The following DNAH14 variants were observed in gnomAD, a reference collection of about 807,000 sequenced individuals.
The protein encoded by DNAH14 is axonemal beta dynein heavy chain 14.
In DNAH14, 478 loss-of-function variants were observed where a neutral mutation model predicts 520.9. The ratio of observed to expected loss-of-function variants is 0.92; its 90% CI spans 0.85 to 0.99. The LOEUF is 0.99. Among genes scored for constraint, DNAH14 ranks in the 50% least tolerant of loss-of-function variants. The pLI, the probability that DNAH14 is intolerant of heterozygous loss-of-function variation, is 0.00. For synonymous variants in DNAH14, 1,581 were observed against 1,757.2 expected (o/e 0.90, Z 2.51); for missense variants, 4,831 against 5,234.5 (o/e 0.92, Z 2.38).
At chr1:225,335,370 TGTG>T (rs1297770250) in intron 66 of DNAH14, among the ~76,000 whole-genome samples, 1 of 53,514 alleles carries the variant, frequency 1.9e-5, no homozygotes, top group East Asian at 9.7e-4. Flanking sequence ...CACGTGTACA[TGTG>T]TGTGTATATG....
In DNAH14 at chr1:224,929,692, A is replaced by C. The variant is rs765980744; in HGVS notation, c.-177A>C. 6.3e-5 allele frequency: 44 copies of C among 702,320 alleles called. 1 individual carries two copies. The highest frequency in any genetic ancestry group is 5.9e-4 in the South Asian group (40 of 67,602). 43.5% of individuals were successfully genotyped at this position (702,320 alleles called of 1,614,324 possible). On this transcript the variant is annotated 5_prime_UTR_variant, in exon 1 of 86. Coordinates refer to ENST00000682510, the MANE Select transcript of DNAH14 (RefSeq NM_001367479.1). ...GGCTCTTGGTCAGGCGGTTACGGCC[A>C]GGAGGCGTCGGAGCCTGGCGTGGTA... is the stretch of plus-strand genomic sequence containing the variant.
intron 43 of DNAH14, among the ~76,000 whole-genome samples, chr1:225,249,073 C>A (rs956887080): frequency 2.6e-5 from 4 of 152,158 alleles, no homozygotes; most frequent in Admixed American, 2.6e-4. Context: ...TTTATAATGG[C>A]ATAAGAAGCC....
At chr1:225,219,632 C>A (rs2089828838) in intron 41 of DNAH14, among the ~76,000 whole-genome samples, 1 of 152,014 alleles carries the variant, frequency 6.6e-6, no homozygotes. Flanking sequence ...CCTGAATAGA[C>A]CAATAAAAAG....
intron 81 of DNAH14, among the ~76,000 whole-genome samples, chr1:225,383,531 G>A (rs943033898): frequency 2.2e-4 from 34 of 152,342 alleles, no homozygotes; most frequent in East Asian, 7.7e-4. Context: ...ACAGTCACAT[G>A]TGGCTGAGAC....
At chr1:225,015,015 T>C (rs1040424130) in intron 10 of DNAH14, among the ~76,000 whole-genome samples, 1 of 152,340 alleles carries the variant, frequency 6.6e-6, no homozygotes. Context: ...TGTTATATTA[T>C]CTTGCTGAAC....
At chr1:225,013,015 G>C (rs2064920152) in intron 10 of DNAH14, among the ~76,000 whole-genome samples, 1 of 152,180 alleles carries the variant, frequency 6.6e-6, no homozygotes, top group Non-Finnish European at 1.5e-5. Context: ...CTGGTGAGGA[G>C]CTGTGATTCT....
At chr1:225,383,504 G>C (rs1044344399) in intron 81 of DNAH14, among the ~76,000 whole-genome samples, 2 of 152,202 alleles carry the variant, frequency 1.3e-5, no homozygotes, top group Non-Finnish European at 2.9e-5. Context: ...ACAATGATGA[G>C]TTGGTACACT....
rs1383796520 is a variant in DNAH14, at chr1:225,038,732, C to A, written c.1397C>A (p.Thr466Lys). ...KDNSFPTGKTTNDCEELVDNS... is the reference protein window; with the variant it reads ...KDNSFPTGKTKNDCEELVDNS... Reference sequence around the variant, plus strand: ...AACTCTTTTCCTACTGGAAAGACAACAAATGATTGTGAAGAACTTGTTGAT... The same window carrying A: ...AACTCTTTTCCTACTGGAAAGACAAAAAATGATTGTGAAGAACTTGTTGAT... The change falls in exon 12 of 86, where the codon ACA becomes AAA. Residue 466 changes from threonine to lysine, a missense_variant. By Grantham distance (78) the Thr-to-Lys change is moderately conservative (BLOSUM62 -1). Coordinates refer to ENST00000682510, the MANE Select transcript of DNAH14 (RefSeq NM_001367479.1). 1 of 1,533,828 alleles carries A rather than the reference C, an allele frequency of 6.5e-7. No individual in the cohort carries two copies. The highest frequency in any genetic ancestry group is 1.4e-5 in the African/African-American group (1 of 71,954).
At chr1:225,073,034 A>G (rs1419019759) in intron 17 of DNAH14, among the ~76,000 whole-genome samples, 1 of 151,936 alleles carries the variant, frequency 6.6e-6, no homozygotes, top group Non-Finnish European at 1.5e-5. Context: ...TAGAGTAGCC[A>G]TCCTGTGCTG....
intron 37 of DNAH14, 137 bp from the exon 38 acceptor site, chr1:225,192,559 C>A (rs894275785): frequency 1.8e-6 from 1 of 564,748 alleles, no homozygotes; most frequent in Non-Finnish European, 3.1e-6. Context: ...CTGTTCCTTG[C>A]AACTTGCTAC....
At chr1:225,176,940 C>A (rs774833238) in intron 36 of DNAH14, among the ~76,000 whole-genome samples, 1 of 152,048 alleles carries the variant, frequency 6.6e-6, no homozygotes, top group African/African-American at 2.4e-5. Flanking sequence ...AAAAGATACC[C>A]GAAAATGCAG....
Position 225,361,945 on chromosome 1 carries a change from T to C in DNAH14, c.11987+1054T>C, listed in dbSNP as rs544952867. ...ACTTAAGAGAATCAGAAGACAAAGA[T>C]TGCTTAGTTACATGACTTTAATAGA... On this transcript the variant is annotated intron_variant, in intron 75 of 85. Coordinates refer to ENST00000682510, the MANE Select transcript of DNAH14 (RefSeq NM_001367479.1). Among the ~76,000 whole-genome samples the C allele has an allele frequency of 2.6e-5, 4 of 152,374 alleles. No homozygotes were observed. In the East Asian group the frequency reaches 7.7e-4, roughly 29 times the overall value.
chr1:225,313,943 G>T (rs2094419656), intron 60 of DNAH14, among the ~76,000 whole-genome samples: 1 of 152,180 alleles, frequency 6.6e-6, no homozygotes. Flanking sequence ...TTCTGTAGAT[G>T]TCTGTTAGGT....
chr1:225,105,245 G>T (rs2075925434), intron 23 of DNAH14, among the ~76,000 whole-genome samples: 1 of 152,186 alleles, frequency 6.6e-6, no homozygotes, highest in African/African-American at 2.4e-5. Flanking sequence ...ACTGTGGTCT[G>T]AGAGACAGTT....
At chr1:225,382,985 C>T (rs1423243992) in intron 81 of DNAH14, among the ~76,000 whole-genome samples, 1 of 152,114 alleles carries the variant, frequency 6.6e-6, no homozygotes, top group Non-Finnish European at 1.5e-5. Flanking sequence ...ATTCCATTTA[C>T]AAGAAATGTC....
Position 225,258,205 on chromosome 1 carries a change from G to A in DNAH14, c.7024+87G>A, listed in dbSNP as rs187151685. 293 of 1,204,396 alleles carry A rather than the reference G, an allele frequency of 2.4e-4. No homozygotes were observed. The African/African-American group carries it at 4.3e-3, about 18-fold the overall frequency. 74.6% of individuals were successfully genotyped at this position (1,204,396 alleles called of 1,614,324 possible). A position where few individuals can be genotyped will look rare whatever the true frequency, so the allele number is the denominator to read the frequency against. On this transcript the variant is annotated intron_variant, in intron 45 of 85. Transcript: ENST00000682510. ...GTCTAACTATCTTATTTTGTAAGTG[G>A]GAAAAAAATATACACTGAAAAGTTT...
At chr1:225,253,544 G>C (rs1179904155) in intron 44 of DNAH14, among the ~76,000 whole-genome samples, 1 of 151,862 alleles carries the variant, frequency 6.6e-6, no homozygotes, top group Non-Finnish European at 1.5e-5. Flanking sequence ...CATCCTAGAT[G>C]TGCTTCAAAA....
At chr1:225,370,640 A>G (rs1311345881) in intron 77 of DNAH14, among the ~76,000 whole-genome samples, 1 of 152,108 alleles carries the variant, frequency 6.6e-6, no homozygotes, top group African/African-American at 2.4e-5. Flanking sequence ...CTGGCCTTAA[A>G]TGTCTCCAGT....
At chr1:225,327,102 A>T (rs1220841218) in intron 64 of DNAH14, among the ~76,000 whole-genome samples, 1 of 152,152 alleles carries the variant, frequency 6.6e-6, no homozygotes. Flanking sequence ...ATTTTAAAAG[A>T]CATATACCAT....
Sources: gnomAD v4.1 joint callset for allele counts (sites outside exome capture counted in the v4.1 genomes callset) on GRCh38, gnomAD v4.1.1 for gene constraint, MANE v1.5 for transcripts, NCBI Gene and HGNC (gene_info 2026-07-23, HGNC 2026-07-21) for gene names.